Variants in SNED1 observed in about 807,000 individuals in gnomAD.
The protein encoded by SNED1 is sushi, nidogen and EGF like domains 1, also known as sushi, nidogen and EGF-like domain-containing protein 1.
A neutral mutation model predicts 166.7 loss-of-function variants in SNED1; 81 were observed. The observed-to-expected ratio is 0.49, with a 90% CI of 0.41 to 0.58. SNED1 has a LOEUF of 0.58. SNED1 is among the 20% of genes least tolerant of loss of function. The probability of loss-of-function intolerance (pLI) is 0.00; values close to 1 mark genes in which losing one functional copy is unlikely to be tolerated. For missense variants in SNED1, 1,604 were observed against 2,000.2 expected (o/e 0.80, Z 3.78); for synonymous variants, 762 against 822.0 (o/e 0.93, Z 1.25).
chr2:241,048,956 A>T, intron 10 of SNED1, 66 bp from the exon 11 acceptor site: 1 of 1,439,442 alleles, frequency 6.9e-7, no homozygotes, highest in Non-Finnish European at 9.6e-7. Flanking sequence ...CCCATCCTTG[A>T]CAAGGACTCG....
At position 241,073,430 on chromosome 2, in the gene SNED1, C is replaced by A; in HGVS notation, c.3916+66C>A. 7.4e-7 allele frequency: 1 copy of A among 1,355,326 alleles called. No individual in the cohort carries two copies. The highest frequency in any genetic ancestry group is 1.0e-6 in the Non-Finnish European group (1 of 968,838). The allele number at this position is 1,355,326 out of a possible 1,614,324, so 84.0% of individuals were successfully genotyped here. A position where few individuals can be genotyped will look rare whatever the true frequency, so the allele number is the denominator to read the frequency against. The stretch of plus-strand genomic sequence containing the variant: ...CTGCTCTCAGGGGCCTTAGAGGCTG[C>A]AGGCAGGAGGGACCACCCACGGTGA... On this transcript the variant is annotated intron_variant, in intron 27 of 31. Transcript: ENST00000310397. This position sits in a 1 kb window ranked among gnomAD's most constrained non-coding sequence, Gnocchi z 6.6.
chr2:241,084,264 G>A (rs1350513536), intron 29 of SNED1, among the ~76,000 whole-genome samples: 1 of 151,344 alleles, frequency 6.6e-6, no homozygotes, highest in South Asian at 2.1e-4. Context: ...AGCCCCCCGA[G>A]TAGCTGGGAT....
At chr2:241,079,223 T>C (rs1455731555) in intron 27 of SNED1, among the ~76,000 whole-genome samples, 2 of 150,558 alleles carry the variant, frequency 1.3e-5, no homozygotes, top group African/African-American at 4.9e-5. Flanking sequence ...CCATCCTGGC[T>C]AACATGGTGA....
At chr2:241,063,982 G>A in intron 18 of SNED1, 30 bp from the exon 19 acceptor site, 1 of 1,483,798 alleles carries the variant, frequency 6.7e-7, no homozygotes, top group Non-Finnish European at 9.2e-7. Context: ...CCCCCTTGCA[G>A]CTTGGGCCCA....
At chr2:241,011,636 TAAC>T (rs1446871711) in intron 1 of SNED1, among the ~76,000 whole-genome samples, 1 of 152,224 alleles carries the variant, frequency 6.6e-6, no homozygotes, top group African/African-American at 2.4e-5. Flanking sequence ...AGTAGGCAAA[TAAC>T]AATAATAGAA....
intron 2 of SNED1, among the ~76,000 whole-genome samples, chr2:241,033,247 T>G (rs1303826996): frequency 6.6e-6 from 1 of 152,260 alleles, no homozygotes; most frequent in Admixed American, 6.5e-5. Context: ...GATCCTTTGC[T>G]TGATTCTCAT....
intron 1 of SNED1, among the ~76,000 whole-genome samples, chr2:241,017,764 CAG>C (rs952293115): frequency 6.6e-6 from 1 of 152,336 alleles, no homozygotes; most frequent in Non-Finnish European, 1.5e-5. Context: ...CCATGACCCT[CAG>C]GGGCCCAGGC....
Position 241,071,712 on chromosome 2 carries a change from GC to G in SNED1, c.3732del (p.Arg1245GlyfsTer12). 1 of 903,698 alleles carries G rather than the reference GC, an allele frequency of 1.1e-6. No homozygotes were observed. The highest frequency in any genetic ancestry group is 1.6e-6 in the Non-Finnish European group (1 of 637,126). 56.0% of individuals were successfully genotyped at this position (903,698 alleles called of 1,614,324 possible). A position where few individuals can be genotyped will look rare whatever the true frequency, so the allele number is the denominator to read the frequency against. On this transcript the variant is annotated frameshift_variant, in exon 25 of 32. Coordinates refer to ENST00000310397, the MANE Select transcript of SNED1 (RefSeq NM_001080437.3). LOFTEE classifies it high-confidence loss of function. Reference sequence around the variant, plus strand: ...ACAGCGCCCCCGAGACCCCCACCCAGCCCCCCAGGTACATGCCCCACCCATC... The same window carrying G: ...ACAGCGCCCCCGAGACCCCCACCCAGCCCCCAGGTACATGCCCCACCCATC... ...DHSAPETPTQPPRFSELVDGR... is the reference protein window; with the variant it reads ...DHSAPETPTQXPRFSELVDGR...
At chr2:241,003,125 C>T (rs968207381) in intron 1 of SNED1, among the ~76,000 whole-genome samples, 8 of 150,832 alleles carry the variant, frequency 5.3e-5, no homozygotes, top group Middle Eastern at 6.8e-3. Context: ...CGCCCTCCCC[C>T]GGGCCCCCCG....
At position 241,034,736 on chromosome 2, in the gene SNED1, A is replaced by G; in HGVS notation, c.805+6A>G. 1 of 1,544,074 alleles carries G rather than the reference A, an allele frequency of 6.5e-7. No individual in the cohort carries two copies. The highest frequency in any genetic ancestry group is 8.8e-7 in the Non-Finnish European group (1 of 1,141,440). Reference sequence around the variant, plus strand: ...GGGGGGCTGCGGCCATACAAGTAAGAGGACAGAGGAGCAGCTTGGGGTGGG... The same window carrying G: ...GGGGGGCTGCGGCCATACAAGTAAGGGGACAGAGGAGCAGCTTGGGGTGGG... On this transcript the variant is annotated splice_donor_region_variant and intron_variant, in intron 4 of 31. Coordinates refer to ENST00000310397, the MANE Select transcript of SNED1 (RefSeq NM_001080437.3).
chr2:241,073,799 G>A lies in SNED1; in HGVS notation c.3916+435G>A, dbSNP rs1390759424. 1 of 286,738 alleles carries A rather than the reference G, an allele frequency of 3.5e-6. No individual in the cohort carries two copies. The highest frequency in any genetic ancestry group is 6.5e-6 in the Non-Finnish European group (1 of 153,012). 17.8% of individuals were successfully genotyped at this position (286,738 alleles called of 1,614,324 possible). On this transcript the variant is annotated intron_variant, in intron 27 of 31. Transcript: ENST00000310397. This position sits in a 1 kb window ranked among gnomAD's most constrained non-coding sequence, Gnocchi z 6.6. ...GCGAGCCCCAGCTTGAGGACTAGCT[G>A]GGCCCTGTGGACACTCAGGTTATGC...
At chr2:241,031,536 G>A (rs1387681104) in intron 2 of SNED1, among the ~76,000 whole-genome samples, 2 of 152,228 alleles carry the variant, frequency 1.3e-5, no homozygotes, top group Admixed American at 1.3e-4. Context: ...GGTCACTCTA[G>A]CAAGGCATCA....
chr2:241,038,138 C>G (rs1164297769), intron 6 of SNED1, among the ~76,000 whole-genome samples: 1 of 152,038 alleles, frequency 6.6e-6, no homozygotes, highest in Non-Finnish European at 1.5e-5. Flanking sequence ...AAGGGAGCCC[C>G]TAAAATCAAA....
chr2:241,065,419 A>G lies in SNED1; in HGVS notation c.2834A>G (p.Tyr945Cys), dbSNP rs751015376. The change falls in exon 21 of 32, where the codon TAC (tyrosine) becomes TGC (cysteine). Residue 945 changes from tyrosine (Y) to cysteine (C), a missense_variant. Tyr to Cys is a radical substitution (Grantham distance 194, BLOSUM62 -2). This residue lies in a region of SNED1 where 1,237 missense variants were observed against 1,620.8 expected (regional missense o/e 0.76). Transcript: ENST00000310397. ...ATGCTTGATGGCTACGCGGTCACCT[A>G]CGTCTCCTCCGACGGCTCCTACCGC... ...RQMLDGYAVT[Y>C]VSSDGSYRRT... 9.3e-6 allele frequency: 15 copies of G among 1,612,920 alleles called. No individual in the cohort carries two copies. The African/African-American group carries it at 1.7e-4, about 19-fold the overall frequency.
chr2:241,067,915 T>C lies in SNED1; in HGVS notation c.3162T>C (p.Asp1054=), dbSNP rs199614046. 147 of 1,612,892 alleles carry C rather than the reference T, an allele frequency of 9.1e-5. 1 individual carries two copies. The African/African-American group carries it at 1.3e-3, about 15-fold the overall frequency. ...AGGCCCTCAGGGACCAGGCCACCGA[T>C]GTGGACAGGAGTGTGGACAGGTTCA... ...HPEALRDQAT[D]VDRSVDRFTF... The change falls in exon 22 of 32, where the codon GAT becomes GAC. Residue 1054 remains aspartate (D), a synonymous_variant. Coordinates refer to ENST00000310397, the MANE Select transcript of SNED1 (RefSeq NM_001080437.3).
At chr2:241,006,642 G>T (rs1200197080) in intron 1 of SNED1, among the ~76,000 whole-genome samples, 2 of 152,218 alleles carry the variant, frequency 1.3e-5, no homozygotes, top group Non-Finnish European at 2.9e-5. Context: ...TTCCGTGTGT[G>T]TATTATGACA....
At chr2:241,022,308 A>G (rs527362833) in intron 1 of SNED1, among the ~76,000 whole-genome samples, 3 of 152,350 alleles carry the variant, frequency 2.0e-5, no homozygotes, top group African/African-American at 4.8e-5. Flanking sequence ...GGATAATCCA[A>G]GGTCACAAAG....
intron 24 of SNED1, chr2:241,071,349 TGG>T: frequency 1.7e-6 from 1 of 597,608 alleles, no homozygotes; most frequent in Admixed American, 2.9e-5. Context: ...GCCTGTGTCA[TGG>T]CTGCGCATGG....
chr2:241,020,676 A>C (rs2060744574), intron 1 of SNED1, among the ~76,000 whole-genome samples: 1 of 152,050 alleles, frequency 6.6e-6, no homozygotes, highest in Admixed American at 6.5e-5. Flanking sequence ...CAAGGGTCAC[A>C]CTCTACTTCT....
Sources: gnomAD v4.1 joint callset for allele counts (sites outside exome capture counted in the v4.1 genomes callset) on GRCh38, gnomAD v4.1.1 for gene constraint, gnomAD v4.1.1 regional missense constraint, Gnocchi (gnomAD v3.1) non-coding constraint, MANE v1.5 for transcripts, NCBI Gene and HGNC (gene_info 2026-07-23, HGNC 2026-07-21) for gene names.